Variants in BCL2L13 observed in about 807,000 individuals in gnomAD.
BCL2L13 encodes BCL2 like 13.
BCL2L13 carries 13 observed loss-of-function variants against 25.8 expected under a neutral mutation model. That is an observed-to-expected ratio of 0.50 (90% confidence interval 0.33 to 0.80). The LOEUF is 0.80. BCL2L13 is among the 30% of genes least tolerant of loss of function. The pLI, the probability that BCL2L13 is intolerant of heterozygous loss-of-function variation, is 0.02. For missense variants in BCL2L13, 504 were observed against 574.9 expected (o/e 0.88, Z 1.26); for synonymous variants, 244 against 230.3 (o/e 1.06, Z -0.54).
At chr22:17,677,577 A>G (rs926047127) in intron 2 of BCL2L13, among the ~76,000 whole-genome samples, 2 of 152,150 alleles carry the variant, frequency 1.3e-5, no homozygotes, top group African/African-American at 4.8e-5. Flanking sequence ...ACCAAAAAAA[A>G]GAAAAACCCC....
intron 6 of BCL2L13, among the ~76,000 whole-genome samples, chr22:17,708,860 T>C (rs1187541842): frequency 6.6e-6 from 1 of 152,202 alleles, no homozygotes; most frequent in African/African-American, 2.4e-5. Flanking sequence ...TCTTCTAATA[T>C]GATAAGTTGT....
chr22:17,660,320 A>G lies in BCL2L13; in HGVS notation c.121+4488A>G, dbSNP rs1315718616. On this transcript the variant is annotated intron_variant, in intron 2 of 6. Transcript: ENST00000317582. ...CGAAGAAACAAGAATTGATTTTTTGATAAACTGACTAAAGACAATCCATTG... is the reference window on the plus strand; with the variant it reads ...CGAAGAAACAAGAATTGATTTTTTGGTAAACTGACTAAAGACAATCCATTG... Among the ~76,000 whole-genome samples, 4 of 146,622 alleles carry G rather than the reference A, an allele frequency of 2.7e-5. 1 individual carries two copies. The highest frequency in any genetic ancestry group is 6.2e-5 in the Non-Finnish European group (4 of 64,484).
intron 1 of BCL2L13, among the ~76,000 whole-genome samples, chr22:17,642,241 A>G (rs533112859): frequency 1.3e-5 from 2 of 151,086 alleles, no homozygotes; most frequent in African/African-American, 4.9e-5. Flanking sequence ...CTCAGTCCCA[A>G]AGTAGACTGA....
At chr22:17,674,478 C>T (rs1035160189) in intron 2 of BCL2L13, among the ~76,000 whole-genome samples, 13 of 151,796 alleles carry the variant, frequency 8.6e-5, no homozygotes, top group South Asian at 2.1e-4. Flanking sequence ...TGGTTCCGGG[C>T]GCCTGTAATC....
chr22:17,690,368 A>G (rs1238368887), intron 4 of BCL2L13, among the ~76,000 whole-genome samples: 3 of 152,142 alleles, frequency 2.0e-5, no homozygotes, highest in Non-Finnish European at 2.9e-5. Flanking sequence ...AGCAAAGTAT[A>G]TATCGATTAC....
intron 1 of BCL2L13, among the ~76,000 whole-genome samples, chr22:17,631,030 G>T (rs928466035): frequency 6.6e-6 from 1 of 151,832 alleles, no homozygotes; most frequent in Non-Finnish European, 1.5e-5. Context: ...CTTTAATATG[G>T]AAGAGTTTCC....
chr22:17,648,020 C>T lies in BCL2L13; in HGVS notation c.-50-7642C>T, dbSNP rs1352303071. ...TGGCACACCCCTGTAGTCCGAGCTGCTTGGGAGGCTGAGGTAGGAGAATCG... is the reference window on the plus strand; with the variant it reads ...TGGCACACCCCTGTAGTCCGAGCTGTTTGGGAGGCTGAGGTAGGAGAATCG... On this transcript the variant is annotated intron_variant, in intron 1 of 6. Transcript: ENST00000317582. Among the ~76,000 whole-genome samples, 4 of 151,832 alleles carry T rather than the reference C, an allele frequency of 2.6e-5. No homozygotes were observed. The East Asian group carries it at 7.8e-4, about 29-fold the overall frequency.
rs1254522668 is a variant in BCL2L13, at chr22:17,729,515, T to C, written c.*1981T>C. The C allele has an allele frequency of 6.6e-6, 1 of 152,252 alleles. No individual in the cohort carries two copies. Among genetic ancestry groups the C allele is most frequent in the Non-Finnish European group, 1.5e-5 (1 of 68,044 alleles). The allele number at this position is 152,252 out of a possible 1,614,324, so 9.4% of individuals were successfully genotyped here. Reference sequence around the variant, plus strand: ...GATTTTTAAAAAGTAATAAATCCTATGAGTTCCAGTATTAACACTTGCCAG... The same window carrying C: ...GATTTTTAAAAAGTAATAAATCCTACGAGTTCCAGTATTAACACTTGCCAG... On this transcript the variant is annotated 3_prime_UTR_variant, in exon 7 of 7. Coordinates refer to ENST00000317582, the MANE Select transcript of BCL2L13 (RefSeq NM_015367.4).
intron 1 of BCL2L13, among the ~76,000 whole-genome samples, chr22:17,639,141 A>C (rs917104235): frequency 1.3e-5 from 2 of 152,152 alleles, no homozygotes; most frequent in African/African-American, 4.8e-5. Flanking sequence ...GGGGTGCCGG[A>C]GGCGGAGGAG....
rs2059206565 is a variant in BCL2L13 at position 17,665,475 on chromosome 22, A to G, written c.121+9643A>G. Among the ~76,000 whole-genome samples the G allele has an allele frequency of 2.0e-5, 3 of 151,868 alleles. No individual in the cohort carries two copies. In the South Asian group the frequency reaches 6.2e-4, roughly 32 times the overall value. ...TTACCCATTTCCAAAGTTGCTTCAC[A>G]TTTTCGGGTATGTTTAAGCAGTGCC... On this transcript the variant is annotated intron_variant, in intron 2 of 6. Transcript: ENST00000317582.
intron 1 of BCL2L13, among the ~76,000 whole-genome samples, chr22:17,631,702 ATATATTTTTTTTTTTTTTTTTTT>A (rs2058031238): frequency 5.0e-5 from 1 of 20,032 alleles, no homozygotes; most frequent in African/African-American, 1.3e-4. Flanking sequence ...ATATATATAT[ATATATTTTTTTTTTTTTTTTTTT>A]TTTTTTTTTT....
At chr22:17,657,916 G>A (rs1335276604) in intron 2 of BCL2L13, among the ~76,000 whole-genome samples, 1 of 138,522 alleles carries the variant, frequency 7.2e-6, no homozygotes, top group Admixed American at 8.4e-5. Context: ...TCCGACTGCC[G>A]GGTTCAAGCA....
chr22:17,656,239 C>A (rs867631924), intron 2 of BCL2L13, among the ~76,000 whole-genome samples: 15 of 134,470 alleles, frequency 1.1e-4, no homozygotes, highest in Admixed American at 2.3e-4. Context: ...GACTCCATCT[C>A]AAAAAAAAAA....
chr22:17,712,333 G>A (rs1276579992), intron 6 of BCL2L13, among the ~76,000 whole-genome samples: 1 of 152,156 alleles, frequency 6.6e-6, no homozygotes, highest in Non-Finnish European at 1.5e-5. Context: ...TCCTGTTAGT[G>A]ACATTACATT....
At chr22:17,639,292 C>T (rs1298175447) in intron 1 of BCL2L13, among the ~76,000 whole-genome samples, 1 of 152,262 alleles carries the variant, frequency 6.6e-6, no homozygotes, top group East Asian at 1.9e-4. Flanking sequence ...ACTTAGAACA[C>T]TGGAAGATTA....
intron 1 of BCL2L13, among the ~76,000 whole-genome samples, chr22:17,631,707 T>TATACATATA (rs55897356): frequency 1.1e-4 from 1 of 9,106 alleles, no homozygotes; most frequent in Non-Finnish European, 2.1e-4. Flanking sequence ...TATATATATA[T>TATACATATA]TTTTTTTTTT....
chr22:17,645,649 G>C (rs577455248), intron 1 of BCL2L13, among the ~76,000 whole-genome samples: 1 of 151,502 alleles, frequency 6.6e-6, no homozygotes, highest in Admixed American at 6.6e-5. Flanking sequence ...TAGAAATCTG[G>C]TTTAGAAAAG....
intron 6 of BCL2L13, among the ~76,000 whole-genome samples, chr22:17,722,378 G>GGTGTGTGT (rs71315401): frequency 4.5e-4 from 55 of 122,134 alleles, no homozygotes; most frequent in Admixed American, 1.1e-3. Flanking sequence ...AGACTACAGG[G>GGTGTGTGT]GTGTGTGTGT....
intron 1 of BCL2L13, among the ~76,000 whole-genome samples, chr22:17,651,417 CTG>C (rs775570768): frequency 4.6e-5 from 7 of 151,496 alleles, no homozygotes; most frequent in Non-Finnish European, 1.0e-4. Flanking sequence ...GAGTCTTACT[CTG>C]TTGCCCAGGC....
Sources: gnomAD v4.1 joint callset for allele counts (sites outside exome capture counted in the v4.1 genomes callset) on GRCh38, gnomAD v4.1.1 for gene constraint, MANE v1.5 for transcripts, NCBI Gene and HGNC (gene_info 2026-07-23, HGNC 2026-07-21) for gene names.